Variants in GRID2 observed in about 807,000 individuals in gnomAD.
The protein encoded by GRID2 is glutamate ionotropic receptor delta type subunit 2.
A neutral mutation model predicts 114.8 loss-of-function variants in GRID2; 33 were observed. That is an observed-to-expected ratio of 0.29 (90% confidence interval 0.22 to 0.38). The LOEUF (loss-of-function observed/expected upper bound fraction) is 0.38, where lower values mean the gene tolerates loss of function less well. GRID2 is among the 10% of genes least tolerant of loss of function. The pLI is 1.00. For synonymous variants in GRID2, 505 were observed against 449.9 expected (o/e 1.12, Z -1.55); for missense variants, 1,184 against 1,257.7 (o/e 0.94, Z 0.89).
intron 14 of GRID2, among the ~76,000 whole-genome samples, chr4:93,669,464 TG>T (rs1724216648): frequency 6.6e-6 from 1 of 150,604 alleles, no homozygotes; most frequent in East Asian, 2.0e-4. Context: ...AGACTTATTT[TG>T]GAACCCTGCT....
At chr4:92,979,231 G>T (rs928382994) in intron 2 of GRID2, among the ~76,000 whole-genome samples, 4 of 151,564 alleles carry the variant, frequency 2.6e-5, no homozygotes, top group Non-Finnish European at 4.4e-5. Flanking sequence ...ATGCTGAAAA[G>T]GTAATATTCT....
chr4:93,727,264 T>C (rs535953827), intron 14 of GRID2, among the ~76,000 whole-genome samples: 1 of 152,282 alleles, frequency 6.6e-6, no homozygotes, highest in East Asian at 1.9e-4. Flanking sequence ...TTGTTTTTGG[T>C]TCTGTTTATA....
In GRID2 at chr4:92,471,926, C is replaced by CTTTTT. The variant is rs1186215701; in HGVS notation, c.89-118184_89-118180dup. Among the ~76,000 whole-genome samples, 120 of 57,340 alleles carry CTTTTT rather than the reference C, an allele frequency of 2.1e-3. 1 individual carries two copies. The highest frequency in any genetic ancestry group is 2.7e-3 in the Non-Finnish European group (88 of 32,148). The allele number at this position is 57,340 out of a possible 152,430, so 37.6% of individuals were successfully genotyped here. A position where few individuals can be genotyped will look rare whatever the true frequency, so the allele number is the denominator to read the frequency against. ...CTTATTTGGGGATTTATCCATATTT[C>CTTTTT]TTTTTTTTTTTTTTTTTTTTTTTTT... is the stretch of plus-strand genomic sequence containing the variant. On this transcript the variant is annotated intron_variant, in intron 1 of 15. Coordinates refer to ENST00000282020, the MANE Select transcript of GRID2 (RefSeq NM_001510.4).
intron 2 of GRID2, among the ~76,000 whole-genome samples, chr4:92,666,454 T>C (rs1157594081): frequency 6.6e-6 from 1 of 151,478 alleles, no homozygotes; most frequent in Non-Finnish European, 1.5e-5. Flanking sequence ...GAACATACTT[T>C]ACTGTTTCTT....
At chr4:92,518,585 T>C (rs2149137619) in intron 1 of GRID2, among the ~76,000 whole-genome samples, 1 of 151,632 alleles carries the variant, frequency 6.6e-6, no homozygotes, top group East Asian at 2.0e-4. Flanking sequence ...GGGTATAGAG[T>C]TTCAGTTTTG....
chr4:92,511,320 A>G (rs1342363440), intron 1 of GRID2, among the ~76,000 whole-genome samples: 1 of 151,830 alleles, frequency 6.6e-6, no homozygotes, highest in Non-Finnish European at 1.5e-5. Context: ...CACACTTATC[A>G]CCAAGGGGAT....
chr4:92,972,665 G>T (rs1383687687), intron 2 of GRID2, among the ~76,000 whole-genome samples: 5 of 151,244 alleles, frequency 3.3e-5, no homozygotes, highest in African/African-American at 1.2e-4. Context: ...ATAGGTAATC[G>T]TGTCATGGGG....
At chr4:92,854,487 A>G (rs1373196901) in intron 2 of GRID2, among the ~76,000 whole-genome samples, 1 of 151,762 alleles carries the variant, frequency 6.6e-6, no homozygotes, top group African/African-American at 2.4e-5. Flanking sequence ...AGCTAATTTA[A>G]TTATACATGT....
intron 14 of GRID2, among the ~76,000 whole-genome samples, chr4:93,667,987 C>G (rs1724090535): frequency 6.6e-6 from 1 of 151,912 alleles, no homozygotes; most frequent in South Asian, 2.1e-4. Flanking sequence ...TGATGTTTTT[C>G]ACCTTTACTA....
At chr4:92,407,967 G>A (rs903919391) in intron 1 of GRID2, among the ~76,000 whole-genome samples, 2 of 152,082 alleles carry the variant, frequency 1.3e-5, no homozygotes, top group Admixed American at 6.6e-5. Context: ...TTTTGTGTTT[G>A]TTGAAGTTGC....
At chr4:92,518,861 T>C (rs573965360) in intron 1 of GRID2, among the ~76,000 whole-genome samples, 1 of 152,020 alleles carries the variant, frequency 6.6e-6, no homozygotes, top group South Asian at 2.1e-4. Context: ...TGAAGCAAAG[T>C]ATTATAAACT....
At chr4:93,762,944 A>G (rs1364794691) in intron 14 of GRID2, among the ~76,000 whole-genome samples, 2 of 152,180 alleles carry the variant, frequency 1.3e-5, no homozygotes, top group African/African-American at 4.8e-5. Flanking sequence ...GCAGAGGCTC[A>G]GAAGGATGTA....
intron 1 of GRID2, among the ~76,000 whole-genome samples, chr4:92,336,819 C>T (rs1440353264): frequency 6.6e-6 from 1 of 152,014 alleles, no homozygotes; most frequent in African/African-American, 2.4e-5. Context: ...TCTTCAGGAC[C>T]ATTGATTTTT....
intron 1 of GRID2, among the ~76,000 whole-genome samples, chr4:93,805,362 G>A (rs1735009875): frequency 6.6e-6 from 1 of 152,148 alleles, no homozygotes; most frequent in Admixed American, 6.6e-5. Flanking sequence ...TCCCAAGTGT[G>A]CCTAATGAGA....
chr4:93,669,652 C>T (rs1451140080), intron 14 of GRID2, among the ~76,000 whole-genome samples: 1 of 152,106 alleles, frequency 6.6e-6, no homozygotes, highest in African/African-American at 2.4e-5. Context: ...GCATAATATT[C>T]ACGCAACACA....
intron 2 of GRID2, among the ~76,000 whole-genome samples, chr4:92,875,586 A>G (rs1159379815): frequency 6.6e-6 from 1 of 152,232 alleles, no homozygotes; most frequent in African/African-American, 2.4e-5. Flanking sequence ...AGAAAAATAT[A>G]GCTAATTCTT....
intron 2 of GRID2, among the ~76,000 whole-genome samples, chr4:92,874,053 T>C (rs1171311462): frequency 6.6e-6 from 1 of 152,114 alleles, no homozygotes. Context: ...CTGAAACTTC[T>C]ACTTCCCCCT....
chr4:92,305,543 G>T (rs1454508071), intron 1 of GRID2, among the ~76,000 whole-genome samples: 1 of 152,124 alleles, frequency 6.6e-6, no homozygotes, highest in African/African-American at 2.4e-5. Flanking sequence ...GCCTCGCCTC[G>T]CAGTCAACTC....
chr4:92,791,146 G>T (rs548780633), intron 2 of GRID2, among the ~76,000 whole-genome samples: 37 of 151,608 alleles, frequency 2.4e-4, no homozygotes, highest in Non-Finnish European at 4.1e-4. Flanking sequence ...GCCAGAAATT[G>T]TTCCAGCTTA....
Sources: gnomAD v4.1 joint callset for allele counts (sites outside exome capture counted in the v4.1 genomes callset) on GRCh38, gnomAD v4.1.1 for gene constraint, MANE v1.5 for transcripts, NCBI Gene and HGNC (gene_info 2026-07-23, HGNC 2026-07-21) for gene names.